ADRB3: variants seen among roughly 807,000 people sequenced by gnomAD.
ADRB3 encodes the protein adrenoceptor beta 3.
In ADRB3, 33 loss-of-function variants were observed where a neutral mutation model predicts 23.8. The ratio of observed to expected loss-of-function variants is 1.38; its 90% CI spans 1.05 to 1.85. The LOEUF is 1.85. ADRB3 is among the 40% of genes most tolerant of loss of function. ADRB3 has a pLI of 0.00. For synonymous variants in ADRB3, 289 were observed against 273.0 expected (o/e 1.06, Z -0.58); for missense variants, 600 against 579.6 (o/e 1.04, Z -0.36).
rs1323999584 is a variant in ADRB3, at chr8:37,965,796, G to T, written c.674C>A (p.Ala225Glu). The T allele has an allele frequency of 1.3e-6, 2 of 1,551,856 alleles. No homozygotes were observed. The highest frequency in any genetic ancestry group is 2.4e-5 in the East Asian group (1 of 41,010). The change falls in exon 1 of 2, where the codon GCG becomes GAG. Residue 225 changes from alanine to glutamate, a missense_variant. Ala to Glu is a moderately radical substitution (Grantham distance 107, BLOSUM62 -1). Transcript: ENST00000345060. ...GCGCGTAGCCACCACGAAAACCCGC[G>T]CGTAGACGAAGAGCATCACGAGAAG... ...LPLLVMLFVY[A>E]RVFVVATRQL...
chr8:37,965,255 G>A lies in ADRB3; in HGVS notation c.1205+10C>T, dbSNP rs1279903612. Reference sequence around the variant, plus strand: ...CCTGAGCCGCCGGTCCCTCTGCCCCGGTTACCTACCCGTCGAGCCGTTGGC... The same window carrying A: ...CCTGAGCCGCCGGTCCCTCTGCCCCAGTTACCTACCCGTCGAGCCGTTGGC... On this transcript the variant is annotated intron_variant, in intron 1 of 1. Coordinates refer to ENST00000345060, the MANE Select transcript of ADRB3 (RefSeq NM_000025.3). The A allele has an allele frequency of 3.3e-6, 5 of 1,505,634 alleles. No homozygotes were observed. Among genetic ancestry groups the A allele is most frequent in the East Asian group, 2.4e-5 (1 of 41,292 alleles). 93.3% of individuals were successfully genotyped at this position (1,505,634 alleles called of 1,614,324 possible).
At position 37,966,347 on chromosome 8, in the gene ADRB3, C is replaced by G. The variant is rs941748993; in HGVS notation, c.123G>C (p.Gly41=). ...PGVPWEAALA[G]ALLALAVLAT... Reference sequence around the variant, plus strand: ...CCAGCACCGCCAGCGCCAGCAGGGCCCCGGCTAGGGCCGCCTCCCACGGAA... The same window carrying G: ...CCAGCACCGCCAGCGCCAGCAGGGCGCCGGCTAGGGCCGCCTCCCACGGAA... The change falls in exon 1 of 2, where the codon GGG becomes GGC. Residue 41 remains glycine, a synonymous_variant. Transcript: ENST00000345060. 1 of 1,612,778 alleles carries G rather than the reference C, an allele frequency of 6.2e-7. No individual in the cohort carries two copies. The highest frequency in any genetic ancestry group is 8.5e-7 in the Non-Finnish European group (1 of 1,179,504).
At chr8:37,965,189 C>A (rs769065452) in intron 1 of ADRB3, 76 bp downstream of exon 1, 289 of 1,360,836 alleles carry the variant, frequency 2.1e-4, no homozygotes, top group Non-Finnish European at 2.6e-4. Context: ...AAACTCCACA[C>A]TCAAAAAGTT....
Position 37,965,590 on chromosome 8 carries a change from A to G in ADRB3, c.880T>C (p.Leu294=), listed in dbSNP as rs1377252932. 6.5e-7 allele frequency: 1 copy of G among 1,549,102 alleles called. No individual in the cohort carries two copies. Among genetic ancestry groups the G allele is most frequent in the Non-Finnish European group, 8.7e-7 (1 of 1,146,474 alleles). Residue 294 remains leucine (L), a synonymous_variant, in exon 1 of 2, where the codon TTG becomes CTG. Transcript: ENST00000345060. Reference sequence around the variant, plus strand: ...GTGAAGGTGCCCATGATGAGACCCAAGGTGCACAGGGCCCGGTGTTCCCGG... The same window carrying G: ...GTGAAGGTGCCCATGATGAGACCCAGGGTGCACAGGGCCCGGTGTTCCCGG... ...PLREHRALCT[L]GLIMGTFTLC...
In ADRB3 at chr8:37,963,442, GAAGAA is replaced by G. The variant is rs1362577953; in HGVS notation, c.*771_*775del. ...TCATTTTTTGTTTGATGAAGATTAG[GAAGAA>G]AAGAGTGAGGATTAGGCCTAATTTA... On this transcript the variant is annotated 3_prime_UTR_variant, in exon 2 of 2. Transcript: ENST00000345060. 1 of 152,172 alleles carries G rather than the reference GAAGAA, an allele frequency of 6.6e-6. No homozygotes were observed. 9.4% of individuals were successfully genotyped at this position (152,172 alleles called of 1,614,324 possible).
Position 37,965,306 on chromosome 8 carries a change from C to G in ADRB3, c.1164G>C (p.Arg388=), listed in dbSNP as rs539601351. The stretch of plus-strand genomic sequence containing the variant: ...AAAGCCTGGGCTGCGCTGGGCTGCT[C>G]CGGGCCGCAGGAACGCCCGAGGGGA... ...ALFPSGVPAA[R]SSPAQPRLCQ... Residue 388 remains arginine (R), a synonymous_variant, in exon 1 of 2, where the codon CGG becomes CGC. Coordinates refer to ENST00000345060, the MANE Select transcript of ADRB3 (RefSeq NM_000025.3). 2.2e-5 allele frequency: 34 copies of G among 1,544,806 alleles called. No individual in the cohort carries two copies. The South Asian group carries it at 4.1e-4, about 18-fold the overall frequency.
chr8:37,964,350 C>T (rs1466018542), intron 1 of ADRB3, 111 bp from the exon 2 acceptor site: 6 of 941,434 alleles, frequency 6.4e-6, no homozygotes, highest in East Asian at 5.2e-5. Flanking sequence ...TACACAAAAA[C>T]GCCAGGGCAC....
At chr8:37,964,413 C>T (rs1157241584) in intron 1 of ADRB3, among the ~76,000 whole-genome samples, 174 bp from the exon 2 acceptor site, 2 of 152,102 alleles carry the variant, frequency 1.3e-5, no homozygotes, top group Non-Finnish European at 1.5e-5. Flanking sequence ...GCCCAGGGAG[C>T]GGGAGGGCAC....
chr8:37,965,033 T>C, intron 1 of ADRB3: 1 of 483,606 alleles, frequency 2.1e-6, no homozygotes, highest in South Asian at 4.0e-5. Flanking sequence ...CTTGGGTCCT[T>C]GGGTGAGGAA....
rs202123617 is a variant in ADRB3 at position 37,964,058 on chromosome 8, C to T, written c.*160G>A. On this transcript the variant is annotated 3_prime_UTR_variant, in exon 2 of 2. Coordinates refer to ENST00000345060, the MANE Select transcript of ADRB3 (RefSeq NM_000025.3). ...AGAGAGCAAGAGGATGGTGAAAACCCACTTGGTAAGGATCCCTCCTTGGGT... is the reference window on the plus strand; with the variant it reads ...AGAGAGCAAGAGGATGGTGAAAACCTACTTGGTAAGGATCCCTCCTTGGGT... 6 of 620,012 alleles carry T rather than the reference C, an allele frequency of 9.7e-6. No individual in the cohort carries two copies. Among genetic ancestry groups the T allele is most frequent in the African/African-American group, 1.9e-5 (1 of 53,588 alleles). The allele number at this position is 620,012 out of a possible 1,614,324, so 38.4% of individuals were successfully genotyped here. A position where few individuals can be genotyped will look rare whatever the true frequency, so the allele number is the denominator to read the frequency against.
chr8:37,964,745 A>G (rs1808263254), intron 1 of ADRB3, among the ~76,000 whole-genome samples: 1 of 152,222 alleles, frequency 6.6e-6, no homozygotes, highest in African/African-American at 2.4e-5. Flanking sequence ...AAGCCTGGGC[A>G]ACATAGCAAG....
Position 37,965,679 on chromosome 8 carries a change from C to T in ADRB3, c.791G>A (p.Gly264Glu), listed in dbSNP as rs749359112. 1.3e-6 allele frequency: 2 copies of T among 1,538,242 alleles called. No homozygotes were observed. Among genetic ancestry groups the T allele is most frequent in the Non-Finnish European group, 1.8e-6 (2 of 1,141,728 alleles). The change falls in exon 1 of 2, where the codon GGG becomes GAG. Residue 264 changes from glycine (G) to glutamate (E), a missense_variant. Coordinates refer to ENST00000345060, the MANE Select transcript of ADRB3 (RefSeq NM_000025.3). The part of the protein sequence containing the change: ...PSRSLAPAPV[G>E]TCAPPEGVPA... ...CACCCCTTCGGGCGGAGCGCACGTC[C>T]CCACCGGGGCCGGGGCCAGAGAGCG...
In ADRB3 at chr8:37,966,335, C is replaced by A. The variant is rs763443477; in HGVS notation, c.135G>T (p.Ala45=). The A allele has an allele frequency of 1.2e-6, 2 of 1,613,184 alleles. No individual in the cohort carries two copies. The highest frequency in any genetic ancestry group is 1.7e-6 in the Non-Finnish European group (2 of 1,179,640). The stretch of plus-strand genomic sequence containing the variant: ...CTCCCACGGTGGCCAGCACCGCCAG[C>A]GCCAGCAGGGCCCCGGCTAGGGCCG... The part of the protein sequence containing the change: ...WEAALAGALL[A]LAVLATVGGN... The change falls in exon 1 of 2, where the codon GCG becomes GCT. Residue 45 remains alanine (A), a synonymous_variant. Transcript: ENST00000345060.
rs374271379 is a variant in ADRB3, at chr8:37,965,437, T to C, written c.1033A>G (p.Ile345Val). The change falls in exon 1 of 2, where the codon ATC (isoleucine) becomes GTC (valine). Residue 345 changes from isoleucine to valine, a missense_variant. Ile to Val is a conservative substitution (Grantham distance 29, BLOSUM62 3). Transcript: ENST00000345060. Reference protein sequence around the residue: ...GYANSAFNPLIYCRSPDFRSA... With the variant: ...GYANSAFNPLVYCRSPDFRSA... ...CGAAAGTCCGGGCTGCGGCAGTAGATGAGCGGGTTGAAGGCAGAATTGGCA... is the reference window on the plus strand; with the variant it reads ...CGAAAGTCCGGGCTGCGGCAGTAGACGAGCGGGTTGAAGGCAGAATTGGCA... The C allele has an allele frequency of 3.4e-5, 52 of 1,550,376 alleles. No homozygotes were observed. In the African/African-American group the frequency reaches 6.2e-4, roughly 18 times the overall value.
chr8:37,965,441 C>G lies in ADRB3; in HGVS notation c.1029G>C (p.Pro343=), dbSNP rs189523193. 4.5e-6 allele frequency: 7 copies of G among 1,550,610 alleles called. No individual in the cohort carries two copies. The African/African-American group carries it at 5.5e-5, about 12-fold the overall frequency. Reference sequence around the variant, plus strand: ...AGTCCGGGCTGCGGCAGTAGATGAGCGGGTTGAAGGCAGAATTGGCATAAC... The same window carrying G: ...AGTCCGGGCTGCGGCAGTAGATGAGGGGGTTGAAGGCAGAATTGGCATAAC... ...WLGYANSAFN[P]LIYCRSPDFR... Residue 343 remains proline, a synonymous_variant, in exon 1 of 2, where the codon CCG becomes CCC. Transcript: ENST00000345060.
chr8:37,965,772 C>T lies in ADRB3; in HGVS notation c.698G>A (p.Arg233His). ...CTCCCCGCGCAGCAAGCGCAGCTGG[C>T]GCGTAGCCACCACGAAAACCCGCGC... ...VYARVFVVATRQLRLLRGELG... is the reference protein window; with the variant it reads ...VYARVFVVATHQLRLLRGELG... The change falls in exon 1 of 2, where the codon CGC (arginine) becomes CAC (histidine). Residue 233 changes from arginine (R) to histidine (H), a missense_variant. By Grantham distance (29) the Arg-to-His change is conservative (BLOSUM62 0). Coordinates refer to ENST00000345060, the MANE Select transcript of ADRB3 (RefSeq NM_000025.3). 6.4e-7 allele frequency: 1 copy of T among 1,551,182 alleles called. No individual in the cohort carries two copies. Among genetic ancestry groups the T allele is most frequent in the Non-Finnish European group, 8.7e-7 (1 of 1,146,832 alleles).
chr8:37,965,676 G>C lies in ADRB3; in HGVS notation c.794C>G (p.Thr265Arg), dbSNP rs4995. ...SRSLAPAPVG[T>R]CAPPEGVPAC... Reference sequence around the variant, plus strand: ...GGGCACCCCTTCGGGCGGAGCGCACGTCCCCACCGGGGCCGGGGCCAGAGA... The same window carrying C: ...GGGCACCCCTTCGGGCGGAGCGCACCTCCCCACCGGGGCCGGGGCCAGAGA... Residue 265 changes from threonine (T) to arginine (R), a missense_variant, in exon 1 of 2, where the codon ACG becomes AGG. Transcript: ENST00000345060. The C allele has an allele frequency of 2.1e-4, 321 of 1,537,796 alleles. 2 individuals are homozygous for C. The East Asian group carries it at 7.9e-3, about 38-fold the overall frequency.
Position 37,965,794 on chromosome 8 carries a change from G to T in ADRB3, c.676C>A (p.Arg226=), listed in dbSNP as rs1808296511. 1 of 1,551,898 alleles carries T rather than the reference G, an allele frequency of 6.4e-7. No homozygotes were observed. ...TGGCGCGTAGCCACCACGAAAACCC[G>T]CGCGTAGACGAAGAGCATCACGAGA... ...PLLVMLFVYA[R]VFVVATRQLR... Residue 226 remains arginine (R), a synonymous_variant, in exon 1 of 2, where the codon CGG becomes AGG. Coordinates refer to ENST00000345060, the MANE Select transcript of ADRB3 (RefSeq NM_000025.3).
In ADRB3 at chr8:37,965,266, C is replaced by A. The variant is rs917888362; in HGVS notation, c.1204G>T (p.Gly402Trp). 1 of 1,512,070 alleles carries A rather than the reference C, an allele frequency of 6.6e-7. No homozygotes were observed. The highest frequency in any genetic ancestry group is 8.8e-7 in the Non-Finnish European group (1 of 1,142,414). The allele number at this position is 1,512,070 out of a possible 1,614,324, so 93.7% of individuals were successfully genotyped here. The change falls in exon 1 of 2, where the codon GGG (glycine) becomes TGG (tryptophan). Residue 402 changes from glycine to tryptophan, a missense_variant and splice_region_variant. Physicochemically the swap from Gly to Trp is radical, Grantham distance 184. Transcript: ENST00000345060. ...AQPRLCQRLD[G>W]ASWGVS ...GGTCCCTCTGCCCCGGTTACCTACCCGTCGAGCCGTTGGCAAAGCCTGGGC... is the reference window on the plus strand; with the variant it reads ...GGTCCCTCTGCCCCGGTTACCTACCAGTCGAGCCGTTGGCAAAGCCTGGGC...
Sources: gnomAD v4.1 joint callset for allele counts (sites outside exome capture counted in the v4.1 genomes callset) on GRCh38, gnomAD v4.1.1 for gene constraint, MANE v1.5 for transcripts, NCBI Gene and HGNC (gene_info 2026-07-23, HGNC 2026-07-21) for gene names.